Variants in LAMA2 observed in about 807,000 individuals in gnomAD.
The protein encoded by LAMA2 is laminin subunit alpha-2.
A neutral mutation model predicts 364.8 loss-of-function variants in LAMA2; 269 were observed. The ratio of observed to expected loss-of-function variants is 0.74; its 90% CI spans 0.67 to 0.82. LAMA2 has a LOEUF of 0.82. LAMA2 is among the 40% of genes least tolerant of loss of function. The probability of loss-of-function intolerance (pLI) is 0.00; values close to 1 mark genes in which losing one functional copy is unlikely to be tolerated. For synonymous variants in LAMA2, 1,379 were observed against 1,370.6 expected, an observed-to-expected ratio of 1.01 and a Z score of -0.14; for missense variants, 3,807 against 3,873.2, an observed-to-expected ratio of 0.98 and a Z score of 0.45.
intron 1 of LAMA2, among the ~76,000 whole-genome samples, chr6:128,951,963 G>A (rs1011809990): frequency 6.6e-6 from 1 of 152,098 alleles, no homozygotes; most frequent in African/African-American, 2.4e-5. Context: ...CCAGGAGTTC[G>A]AGGCTAACCT....
At chr6:129,453,352 C>A (rs1035840652) in intron 46 of LAMA2, among the ~76,000 whole-genome samples, 2 of 152,188 alleles carry the variant, frequency 1.3e-5, no homozygotes, top group Non-Finnish European at 2.9e-5. Flanking sequence ...GTCACATTTA[C>A]TTTCATTTGT....
chr6:128,940,368 A>T (rs1365496068), intron 1 of LAMA2, among the ~76,000 whole-genome samples: 1 of 152,142 alleles, frequency 6.6e-6, no homozygotes, highest in Non-Finnish European at 1.5e-5. Flanking sequence ...CCATTGAATG[A>T]GTTGATTCAT....
chr6:129,461,574 A>C (rs1783256781), intron 49 of LAMA2, among the ~76,000 whole-genome samples: 1 of 152,016 alleles, frequency 6.6e-6, no homozygotes, highest in Non-Finnish European at 1.5e-5. Context: ...ACTTTTCCCT[A>C]AGCGTTTCTT....
intron 41 of LAMA2, among the ~76,000 whole-genome samples, chr6:129,430,482 G>C (rs1256335258): frequency 3.9e-5 from 6 of 152,184 alleles, no homozygotes; most frequent in Non-Finnish European, 7.4e-5. Flanking sequence ...ATATACATCT[G>C]TTAAAAGTAA....
intron 40 of LAMA2, among the ~76,000 whole-genome samples, chr6:129,423,897 A>C (rs1781200736): frequency 6.6e-6 from 1 of 152,078 alleles, no homozygotes; most frequent in Non-Finnish European, 1.5e-5. Context: ...TTTTCCTAAA[A>C]ATTTACAGAT....
intron 18 of LAMA2, among the ~76,000 whole-genome samples, chr6:129,284,607 G>A (rs1788966228): frequency 6.6e-6 from 1 of 152,040 alleles, no homozygotes; most frequent in Non-Finnish European, 1.5e-5. Context: ...TGTTTTCAGT[G>A]TATAGATAAT....
chr6:129,509,413 C>G (rs1723852577), intron 62 of LAMA2, among the ~76,000 whole-genome samples: 1 of 152,074 alleles, frequency 6.6e-6, no homozygotes, highest in African/African-American at 2.4e-5. Flanking sequence ...GGGTATTACT[C>G]AGGAAGTCTT....
intron 1 of LAMA2, among the ~76,000 whole-genome samples, chr6:128,911,569 C>T (rs1052151205): frequency 3.3e-5 from 5 of 152,200 alleles, no homozygotes; most frequent in African/African-American, 1.2e-4. Context: ...CCCGGTACCT[C>T]AGATGGAAAA....
rs775781970 is a variant in LAMA2, at chr6:129,507,496, A to G, written c.8711A>G (p.Tyr2904Cys). The G allele has an allele frequency of 3.5e-5, 57 of 1,614,056 alleles. No individual in the cohort carries two copies. Among genetic ancestry groups the G allele is most frequent in the East Asian group, 8.9e-5 (4 of 44,888 alleles). The change falls in exon 62 of 65, where the codon TAT becomes TGT. Residue 2904 changes from tyrosine (Y) to cysteine (C), a missense_variant. Tyr to Cys is a radical substitution (Grantham distance 194, BLOSUM62 -2). This residue lies in a region of LAMA2 where 3,333 missense variants were observed against 3,345.7 expected (regional missense o/e 1.00). Transcript: ENST00000421865. The stretch of plus-strand genomic sequence containing the variant: ...TCTGATCTGAATGTTTAGGTGACCT[A>G]TAGCATTGATGGCTGCGTCAGGAAT... ...YTTRRIGPVT[Y>C]SIDGCVRNLH... is the part of the protein sequence containing the mutation.
chr6:129,500,815 C>T (rs375866761), intron 58 of LAMA2, among the ~76,000 whole-genome samples: 1 of 152,168 alleles, frequency 6.6e-6, no homozygotes, highest in African/African-American at 2.4e-5. Context: ...CGGGAGTGTA[C>T]AACTGCCACC....
At chr6:129,349,526 C>A in intron 31 of LAMA2, 142 bp downstream of exon 31, 1 of 717,800 alleles carries the variant, frequency 1.4e-6, no homozygotes, top group South Asian at 1.6e-5. Context: ...CTTTCAAAAC[C>A]ACTTGTGTAT....
intron 55 of LAMA2, among the ~76,000 whole-genome samples, chr6:129,485,593 G>A (rs559673588): frequency 1.3e-5 from 2 of 152,258 alleles, no homozygotes; most frequent in African/African-American, 4.8e-5. Flanking sequence ...TGCTAAATGG[G>A]TTTGATATGG....
chr6:129,498,756 G>T (rs1353873601), intron 58 of LAMA2, among the ~76,000 whole-genome samples: 2 of 152,178 alleles, frequency 1.3e-5, no homozygotes, highest in East Asian at 3.8e-4. Context: ...AAAGATGCCA[G>T]TTTTGATAAA....
intron 17 of LAMA2, among the ~76,000 whole-genome samples, chr6:129,275,738 AAG>A (rs1554261310): frequency 2.6e-5 from 4 of 151,238 alleles, no homozygotes; most frequent in African/African-American, 7.3e-5. Flanking sequence ...AAAAAAAAAA[AAG>A]GCAAAGTTTT....
At chr6:129,376,736 C>A (rs1392991133) in intron 34 of LAMA2, among the ~76,000 whole-genome samples, 1 of 152,220 alleles carries the variant, frequency 6.6e-6, no homozygotes, top group East Asian at 1.9e-4. Flanking sequence ...TTTCAAATCT[C>A]AGCTCGTGAA....
At chr6:129,402,788 C>A (rs1385339853) in intron 39 of LAMA2, among the ~76,000 whole-genome samples, 1 of 152,092 alleles carries the variant, frequency 6.6e-6, no homozygotes, top group Admixed American at 6.5e-5. Flanking sequence ...ACAGTGGTTG[C>A]CTTATTAGCA....
chr6:129,420,914 G>T (rs914995961), intron 40 of LAMA2, among the ~76,000 whole-genome samples: 3 of 152,006 alleles, frequency 2.0e-5, no homozygotes, highest in Admixed American at 2.0e-4. Flanking sequence ...TTTTATAAGT[G>T]ACTATATTTG....
chr6:129,161,652 C>T (rs1447269502), intron 8 of LAMA2, among the ~76,000 whole-genome samples: 1 of 152,000 alleles, frequency 6.6e-6, no homozygotes, highest in Non-Finnish European at 1.5e-5. Context: ...TCTTCACCCC[C>T]CTCCCACCCT....
In LAMA2 at chr6:129,249,979, C is replaced by T. The variant is rs949558858; in HGVS notation, c.1783-133C>T. The T allele has an allele frequency of 1.8e-4, 127 of 703,244 alleles. 1 individual carries two copies. Among genetic ancestry groups the T allele is most frequent in the Non-Finnish European group, 3.0e-4 (117 of 384,814 alleles). 43.6% of individuals were successfully genotyped at this position (703,244 alleles called of 1,614,324 possible). A position where few individuals can be genotyped will look rare whatever the true frequency, so the allele number is the denominator to read the frequency against. ...AAATAAATGCCTATCATTCCCACTC[C>T]GTACTCCAGTGATTTCTGCGTCTTG... On this transcript the variant is annotated intron_variant, in intron 12 of 64. Coordinates refer to ENST00000421865, the MANE Select transcript of LAMA2 (RefSeq NM_000426.4).
Sources: gnomAD v4.1 joint callset for allele counts (sites outside exome capture counted in the v4.1 genomes callset) on GRCh38, gnomAD v4.1.1 for gene constraint, gnomAD v4.1.1 regional missense constraint, MANE v1.5 for transcripts, NCBI Gene and HGNC (gene_info 2026-07-23, HGNC 2026-07-21) for gene names.